IRGM: variants seen among roughly 807,000 people sequenced by gnomAD.
IRGM encodes the protein immunity-related GTPase family M protein.
For synonymous variants in IRGM, 98 were observed against 80.6 expected (o/e 1.22, Z -1.16); for missense variants, 288 against 219.9 (o/e 1.31, Z -1.96).
chr5:150,855,544 A>G (rs560973141), intron 1 of IRGM, among the ~76,000 whole-genome samples: 1 of 152,298 alleles, frequency 6.6e-6, no homozygotes, highest in East Asian at 1.9e-4. Flanking sequence ...AAGAATGTAA[A>G]CTTATCAAAA....
intron 3 of IRGM, among the ~76,000 whole-genome samples, chr5:150,892,194 A>C (rs1399467941): frequency 6.7e-6 from 1 of 148,386 alleles, no homozygotes; most frequent in African/African-American, 2.6e-5. Context: ...TGGTGACATT[A>C]AGTGTTTTTA....
chr5:150,885,060 C>A (rs11746108), intron 3 of IRGM, among the ~76,000 whole-genome samples: 31,808 of 151,990 alleles, frequency 0.21, 5,372 homozygotes, highest in African/African-American at 0.45. Flanking sequence ...TTTAACATTT[C>A]AGTCTTTAAT....
chr5:150,896,280 G>C, intron 3 of IRGM: 5 of 1,613,698 alleles, frequency 3.1e-6, no homozygotes, highest in Non-Finnish European at 4.2e-6. Context: ...TTTCTCCCCA[G>C]TATGAGTTCT....
intron 1 of IRGM, among the ~76,000 whole-genome samples, chr5:150,855,939 A>T (rs1366631265): frequency 6.6e-6 from 1 of 152,168 alleles, no homozygotes; most frequent in Non-Finnish European, 1.5e-5. Context: ...GTTTCTCCAG[A>T]TGTTAATTAG....
chr5:150,877,103 T>C (rs1754376165), intron 1 of IRGM, among the ~76,000 whole-genome samples: 1 of 152,178 alleles, frequency 6.6e-6, no homozygotes, highest in African/African-American at 2.4e-5. Context: ...ATTGTCTTTG[T>C]TTGAAGATTA....
chr5:150,884,233 A>G lies in IRGM; in HGVS notation c.*140+4587A>G, dbSNP rs1399994938. On this transcript the variant is annotated intron_variant and NMD_transcript_variant, in intron 3 of 3. Coordinates refer to the IRGM transcript ENST00000520549. Reference sequence around the variant, plus strand: ...AAAATATACTTTATACTTTATATTTATACTTTATACTTATATTTATACTTT... The same window carrying G: ...AAAATATACTTTATACTTTATATTTGTACTTTATACTTATATTTATACTTT... 2.0e-5 allele frequency among the ~76,000 whole-genome samples: 3 copies of G among 152,148 alleles called. No individual in the cohort carries two copies. In the East Asian group the frequency reaches 5.8e-4, roughly 29 times the overall value.
intron 1 of IRGM, among the ~76,000 whole-genome samples, chr5:150,860,111 A>G (rs567896725): frequency 1.3e-5 from 2 of 152,358 alleles, no homozygotes; most frequent in East Asian, 3.9e-4. Context: ...TTGGAATACT[A>G]ACAGGAGAAA....
chr5:150,862,784 A>G (rs1366893362), intron 1 of IRGM, among the ~76,000 whole-genome samples: 1 of 152,224 alleles, frequency 6.6e-6, no homozygotes, highest in African/African-American at 2.4e-5. Flanking sequence ...TACAAGAAGC[A>G]TCCTGGGGCT....
Position 150,848,370 on chromosome 5 carries a change from T to G in IRGM, c.247T>G (p.Phe83Val). ...ATGTGCCTCCTATTTCTCTTCCCAC[T>G]TTTCAAATGTGGTGTTGTGGGACCT... Reference protein sequence around the residue: ...QRCASYFSSHFSNVVLWDLPG... With the variant: ...QRCASYFSSHVSNVVLWDLPG... Residue 83 changes from phenylalanine (F) to valine (V), a missense_variant, in exon 2 of 2, where the codon TTT becomes GTT. Transcript: ENST00000522154. 6.4e-7 allele frequency: 1 copy of G among 1,551,792 alleles called. No individual in the cohort carries two copies. The highest frequency in any genetic ancestry group is 2.0e-5 in the Admixed American group (1 of 51,012).
At chr5:150,878,187 T>C (rs1022783099) in intron 2 of IRGM, 1 of 376,520 alleles carries the variant, frequency 2.7e-6, no homozygotes, top group Non-Finnish European at 5.1e-6. Flanking sequence ...TTTTTGTTGT[T>C]GTTGTTGTTA....
intron 1 of IRGM, among the ~76,000 whole-genome samples, chr5:150,865,947 G>A (rs10875559): frequency 0.11 from 16,328 of 152,086 alleles, 1,146 homozygotes; most frequent in East Asian, 0.39. Flanking sequence ...GGTAGAGATG[G>A]GGTTTCAGCA....
intron 1 of IRGM, among the ~76,000 whole-genome samples, chr5:150,857,424 A>G (rs1328735059): frequency 6.6e-6 from 1 of 152,194 alleles, no homozygotes; most frequent in Non-Finnish European, 1.5e-5. Context: ...CATGATTTAT[A>G]TTCCTTTGGG....
At chr5:150,898,100 C>T (rs776768995) in intron 3 of IRGM, 6 of 1,613,430 alleles carry the variant, frequency 3.7e-6, no homozygotes, top group African/African-American at 1.3e-5. Context: ...TGGATAGATC[C>T]AATTTGATAT....
downstream of IRGM, among the ~76,000 whole-genome samples, chr5:150,853,593 C>T (rs1754006402): frequency 6.6e-6 from 1 of 152,064 alleles, no homozygotes; most frequent in Admixed American, 6.5e-5. Flanking sequence ...ATGTTTGGTA[C>T]ATATGTTTAT....
chr5:150,893,637 T>C lies in IRGM; in HGVS notation c.*141-6952T>C, dbSNP rs1236537558. Among the ~76,000 whole-genome samples, 4 of 152,190 alleles carry C rather than the reference T, an allele frequency of 2.6e-5. No homozygotes were observed. The South Asian group carries it at 6.2e-4, about 24-fold the overall frequency. On this transcript the variant is annotated intron_variant and NMD_transcript_variant, in intron 3 of 3. Transcript: ENST00000520549. ...CAGAGTAAGCCTGATAAAAGAATTA[T>C]GCAAAACAAGACATCAGAGTAAGCT...
rs1291295359 is a variant in IRGM, at chr5:150,848,219, A to G, written c.96A>G (p.Thr32=). The G allele has an allele frequency of 1.3e-6, 2 of 1,551,812 alleles. No individual in the cohort carries two copies. The highest frequency in any genetic ancestry group is 1.7e-6 in the Non-Finnish European group (2 of 1,146,948). The part of the protein sequence containing the change: ...IKETLKIVSR[T]PVNITMAGDS... ...AGACTCTGAAGATAGTGTCCAGGAC[A>G]CCAGTTAACATCACTATGGCAGGGG... The change falls in exon 2 of 2, where the codon ACA becomes ACG. Residue 32 remains threonine (T), a synonymous_variant. Coordinates refer to ENST00000522154, the MANE Select transcript of IRGM (RefSeq NM_001145805.2).
At position 150,847,175 on chromosome 5, in the gene IRGM, C is replaced by G. The variant is rs1431948029; in HGVS notation, c.-461C>G. The stretch of plus-strand genomic sequence containing the variant: ...CTGGTGGCTTACTTCACGTATATTG[C>G]AGCATTTCAGTACTGCTCTGCACGT... On this transcript the variant is annotated 5_prime_UTR_variant, in exon 1 of 2. Coordinates refer to ENST00000522154, the MANE Select transcript of IRGM (RefSeq NM_001145805.2). The G allele has an allele frequency of 6.6e-6, 1 of 152,342 alleles. No individual in the cohort carries two copies. The highest frequency in any genetic ancestry group is 1.5e-5 in the Non-Finnish European group (1 of 68,070). The allele number at this position is 152,342 out of a possible 1,614,324, so 9.4% of individuals were successfully genotyped here. A position where few individuals can be genotyped will look rare whatever the true frequency, so the allele number is the denominator to read the frequency against.
intron 1 of IRGM, among the ~76,000 whole-genome samples, chr5:150,872,861 C>T (rs1754305180): frequency 6.6e-6 from 1 of 152,170 alleles, no homozygotes; most frequent in South Asian, 2.1e-4. Flanking sequence ...TTTAGACCTA[C>T]TCATCCAAGC....
intron 3 of IRGM, among the ~76,000 whole-genome samples, chr5:150,888,967 A>G (rs1288660141): frequency 1.3e-5 from 2 of 152,046 alleles, no homozygotes; most frequent in Non-Finnish European, 2.9e-5. Context: ...GCAATGTTCT[A>G]TAATTGTCAC....
Sources: allele counts gnomAD v4.1 joint callset (sites outside exome capture counted in the v4.1 genomes callset), GRCh38; gene constraint gnomAD v4.1.1; transcripts MANE v1.5; gene names NCBI Gene and HGNC (gene_info 2026-07-23, HGNC 2026-07-21).